CCBE1: variants seen among roughly 807,000 people sequenced by gnomAD.
CCBE1 encodes the protein collagen and calcium binding EGF domains 1, also known as collagen and calcium-binding EGF domain-containing protein 1.
CCBE1 carries 37 observed loss-of-function variants against 50.0 expected under a neutral mutation model. The ratio of observed to expected loss-of-function variants is 0.74; its 90% CI spans 0.57 to 0.97. The LOEUF (loss-of-function observed/expected upper bound fraction) is 0.97. Ranked by LOEUF, CCBE1 falls within the 50% of genes least tolerant of loss-of-function variation. CCBE1 has a pLI of 0.00. For missense variants in CCBE1, 538 were observed against 523.8 expected (o/e 1.03, Z -0.26); for synonymous variants, 234 against 203.7 (o/e 1.15, Z -1.27).
chr18:59,553,195 C>G (rs1208860716), intron 2 of CCBE1, among the ~76,000 whole-genome samples: 1 of 149,706 alleles, frequency 6.7e-6, no homozygotes, highest in African/African-American at 2.5e-5. Flanking sequence ...TTCTACTCAG[C>G]CAGTCTACCC....
intron 2 of CCBE1, among the ~76,000 whole-genome samples, chr18:59,558,913 T>A (rs980635003): frequency 6.6e-6 from 1 of 152,200 alleles, no homozygotes; most frequent in Admixed American, 6.5e-5. Context: ...TACTGCTGAA[T>A]AAAATCACGT....
chr18:59,501,239 T>C (rs911782035), intron 2 of CCBE1, among the ~76,000 whole-genome samples: 5 of 152,302 alleles, frequency 3.3e-5, no homozygotes, highest in African/African-American at 1.2e-4. Flanking sequence ...TCGATGGTGA[T>C]TTTGGGGACC....
chr18:59,534,271 G>A (rs1598987325), intron 2 of CCBE1, among the ~76,000 whole-genome samples: 1 of 152,168 alleles, frequency 6.6e-6, no homozygotes, highest in African/African-American at 2.4e-5. Context: ...ACCTTTGCTA[G>A]AATTTTAAAA....
At chr18:59,579,061 G>T (rs2564486) in intron 2 of CCBE1, among the ~76,000 whole-genome samples, 31,070 of 152,058 alleles carry the variant, frequency 0.2, 5,452 homozygotes, top group African/African-American at 0.48. Flanking sequence ...TTCAGCCCCA[G>T]TGAAGTCTAA....
rs532598723 is a variant in CCBE1, at chr18:59,440,212, A to G, written c.776-396T>C. Among the ~76,000 whole-genome samples the G allele has an allele frequency of 1.1e-4, 17 of 152,298 alleles. No individual in the cohort carries two copies. In the South Asian group the frequency reaches 3.5e-3, roughly 32 times the overall value. On this transcript the variant is annotated intron_variant, in intron 7 of 10. Transcript: ENST00000439986. ...TGGCCACCACCACAGAGAAGTGGTG[A>G]TCATGGCTGGAGAGCAGTACAGGTT...
chr18:59,543,834 CAAAAA>C (rs10678902), intron 2 of CCBE1, among the ~76,000 whole-genome samples: 6 of 69,026 alleles, frequency 8.7e-5, no homozygotes, highest in African/African-American at 3.6e-4. Flanking sequence ...GACTCCGTCT[CAAAAA>C]AAAAAAAAAA....
intron 2 of CCBE1, among the ~76,000 whole-genome samples, chr18:59,649,201 C>A (rs533987644): frequency 6.6e-6 from 1 of 152,174 alleles, no homozygotes; most frequent in Non-Finnish European, 1.5e-5. Flanking sequence ...TAGACAACAG[C>A]GGCCATCTGG....
At chr18:59,676,322 G>A (rs183613679) in intron 2 of CCBE1, among the ~76,000 whole-genome samples, 4 of 152,290 alleles carry the variant, frequency 2.6e-5, no homozygotes, top group African/African-American at 4.8e-5. Flanking sequence ...CTTTCTCACC[G>A]GATGCTAGAA....
chr18:59,579,800 C>T (rs1300648000), intron 2 of CCBE1, among the ~76,000 whole-genome samples: 5 of 152,176 alleles, frequency 3.3e-5, no homozygotes, highest in Non-Finnish European at 7.4e-5. Context: ...TTTCTATTTA[C>T]TTTACTGGCA....
At chr18:59,599,802 A>AC (rs2053406642) in intron 2 of CCBE1, among the ~76,000 whole-genome samples, 1 of 152,254 alleles carries the variant, frequency 6.6e-6, no homozygotes, top group African/African-American at 2.4e-5. Context: ...CAGAGACCTG[A>AC]CAGGCTCCGA....
At chr18:59,625,806 G>A (rs1382754098) in intron 2 of CCBE1, among the ~76,000 whole-genome samples, 3 of 152,054 alleles carry the variant, frequency 2.0e-5, no homozygotes, top group Non-Finnish European at 4.4e-5. Flanking sequence ...TGGTACTGAG[G>A]GGTGGGGTCT....
At chr18:59,568,905 G>A (rs2052867338) in intron 2 of CCBE1, among the ~76,000 whole-genome samples, 1 of 152,174 alleles carries the variant, frequency 6.6e-6, no homozygotes, top group Non-Finnish European at 1.5e-5. Flanking sequence ...TCTCTATCCA[G>A]GGACATCTTG....
At chr18:59,442,278 G>A (rs898953513) in intron 7 of CCBE1, among the ~76,000 whole-genome samples, 41 of 152,194 alleles carry the variant, frequency 2.7e-4, no homozygotes, top group African/African-American at 9.6e-4. Flanking sequence ...GTGCTGTGTC[G>A]ATACGGGCTT....
intron 2 of CCBE1, among the ~76,000 whole-genome samples, chr18:59,671,671 G>T (rs1294638874): frequency 6.6e-6 from 1 of 152,108 alleles, no homozygotes; most frequent in African/African-American, 2.4e-5. Context: ...AGATAAGGCA[G>T]GAGGGTGGTC....
chr18:59,480,279 A>G (rs1302514261), intron 2 of CCBE1, 41 bp from the exon 3 acceptor site: 3 of 1,402,438 alleles, frequency 2.1e-6, no homozygotes, highest in East Asian at 4.6e-5. Context: ...TAATTAGGCT[A>G]AAAATAAAAT....
intron 7 of CCBE1, among the ~76,000 whole-genome samples, chr18:59,446,429 A>C: frequency 6.6e-6 from 1 of 152,208 alleles, no homozygotes; most frequent in African/African-American, 2.4e-5. Context: ...AGAAGCAGCC[A>C]GAGGGTGCCT....
intron 2 of CCBE1, among the ~76,000 whole-genome samples, chr18:59,691,596 G>A (rs370571791): frequency 6.6e-6 from 1 of 152,080 alleles, no homozygotes; most frequent in African/African-American, 2.4e-5. Context: ...AGTAGAGACG[G>A]GGTTTCACCA....
Position 59,438,123 on chromosome 18 carries a change from G to T in CCBE1, c.975C>A (p.Pro325=). ...GAGTGCTACTTACTGGAGACCCTCT[G>T]GGCCCAGGCGCTCCTCTCTCCCCCT... The part of the protein sequence containing the change: ...GSKGERGAPG[P]RGSPGPPGSF... Residue 325 remains proline, a synonymous_variant, in exon 10 of 11, where the codon CCC becomes CCA. Coordinates refer to ENST00000439986, the MANE Select transcript of CCBE1 (RefSeq NM_133459.4). 1 of 1,614,084 alleles carries T rather than the reference G, an allele frequency of 6.2e-7. No individual in the cohort carries two copies. The highest frequency in any genetic ancestry group is 8.5e-7 in the Non-Finnish European group (1 of 1,180,006).
At chr18:59,619,774 T>G (rs1427610453) in intron 2 of CCBE1, among the ~76,000 whole-genome samples, 1 of 151,230 alleles carries the variant, frequency 6.6e-6, no homozygotes, top group Non-Finnish European at 1.5e-5. Context: ...TTAAACTCAG[T>G]GATTTTTTTT....
Sources: allele counts gnomAD v4.1 joint callset (sites outside exome capture counted in the v4.1 genomes callset), GRCh38; gene constraint gnomAD v4.1.1; transcripts MANE v1.5; gene names NCBI Gene and HGNC (gene_info 2026-07-23, HGNC 2026-07-21).